Variants in DMXL2 observed in about 807,000 individuals in gnomAD.
DMXL2 encodes Dmx like 2, also known as dmX-like protein 2.
Under a neutral mutation model 331.1 loss-of-function variants are expected in DMXL2, and 103 were observed. The observed-to-expected ratio is 0.31, with a 90% CI of 0.27 to 0.37. The LOEUF is 0.37. Ranked by LOEUF, DMXL2 falls within the 10% of genes least tolerant of loss-of-function variation. DMXL2 has a pLI of 1.00. For missense variants in DMXL2, 3,171 were observed against 3,642.9 expected (o/e 0.87, Z 3.33); for synonymous variants, 1,281 against 1,252.1 (o/e 1.02, Z -0.49).
intron 31 of DMXL2, 127 bp downstream of exon 31, chr15:51,465,439 G>T: frequency 1.3e-6 from 1 of 741,590 alleles, no homozygotes; most frequent in South Asian, 1.6e-5. Flanking sequence ...AAATAAACAA[G>T]ACTTTATAAA....
intron 28 of DMXL2, among the ~76,000 whole-genome samples, chr15:51,472,271 T>C (rs1051595143): frequency 7.9e-5 from 12 of 152,178 alleles, no homozygotes; most frequent in Non-Finnish European, 1.0e-4. Context: ...AACAAATCCA[T>C]TGGCTCTAAC....
At chr15:51,507,330 C>A in intron 15 of DMXL2, 77 bp from the exon 16 acceptor site, 1 of 1,369,850 alleles carries the variant, frequency 7.3e-7, no homozygotes, top group Non-Finnish European at 9.9e-7. Flanking sequence ...AAAGCTACCA[C>A]CACCTCTTGA....
intron 15 of DMXL2, among the ~76,000 whole-genome samples, chr15:51,513,264 A>G (rs752193494): frequency 1.2e-4 from 19 of 152,222 alleles, no homozygotes; most frequent in Non-Finnish European, 2.2e-4. Flanking sequence ...GTAAGCTGGC[A>G]TATCTTTCCT....
intron 1 of DMXL2, among the ~76,000 whole-genome samples, chr15:51,594,246 C>G (rs1294173874): frequency 6.6e-6 from 1 of 152,086 alleles, no homozygotes; most frequent in East Asian, 1.9e-4. Context: ...ACCACTGATC[C>G]CACAGAAATA....
intron 1 of DMXL2, among the ~76,000 whole-genome samples, chr15:51,585,996 G>A (rs1200720363): frequency 1.3e-5 from 2 of 152,144 alleles, no homozygotes; most frequent in Non-Finnish European, 2.9e-5. Flanking sequence ...AGTAAGAAAA[G>A]CAGGGAAGGG....
At chr15:51,536,105 G>T in intron 12 of DMXL2, 61 bp downstream of exon 12, 2 of 1,355,540 alleles carry the variant, frequency 1.5e-6, no homozygotes, top group Non-Finnish European at 2.0e-6. Context: ...AAACCATTTC[G>T]TATATAACAA....
At chr15:51,508,538 G>A (rs1286967703) in intron 15 of DMXL2, among the ~76,000 whole-genome samples, 3 of 152,118 alleles carry the variant, frequency 2.0e-5, no homozygotes, top group African/African-American at 7.2e-5. Flanking sequence ...GCAACTGACT[G>A]AAATATCCTA....
At chr15:51,521,602 T>A (rs529184570) in intron 13 of DMXL2, among the ~76,000 whole-genome samples, 63 of 152,276 alleles carry the variant, frequency 4.1e-4, no homozygotes, top group African/African-American at 1.5e-3. Flanking sequence ...GCATCCATCC[T>A]ATATTTTATA....
At chr15:51,518,186 A>G (rs768566925) in intron 13 of DMXL2, among the ~76,000 whole-genome samples, 9 of 152,120 alleles carry the variant, frequency 5.9e-5, no homozygotes, top group Admixed American at 1.3e-4. Flanking sequence ...TATAAAAATT[A>G]GTGGGGAGTG....
chr15:51,568,284 T>C (rs2050427209), intron 3 of DMXL2: 2 of 457,594 alleles, frequency 4.4e-6, no homozygotes, highest in African/African-American at 2.1e-5. Flanking sequence ...CAATTTGCAA[T>C]ATTCTAGAGA....
At position 51,481,008 on chromosome 15, in the gene DMXL2, G is replaced by A. The variant is rs1365222801; in HGVS notation, c.6098C>T (p.Thr2033Ile). 1.3e-5 allele frequency: 21 copies of A among 1,614,152 alleles called. No homozygotes were observed. Among genetic ancestry groups the A allele is most frequent in the Non-Finnish European group, 1.8e-5 (21 of 1,180,020 alleles). ...TTGTTCAGCAATCACATCAACTTCA[G>A]TATCACCTTCAGGATCATCCTCTTC... ...PQEEDDPEGD[T>I]EVDVIAEQLK... The change falls in exon 24 of 44, where the codon ACT (threonine) becomes ATT (isoleucine). Residue 2033 changes from threonine (T) to isoleucine (I), a missense_variant. Transcript: ENST00000560891.
Position 51,481,107 on chromosome 15 carries a change from C to T in DMXL2, c.5999G>A (p.Ser2000Asn), listed in dbSNP as rs1397407897. Residue 2000 changes from serine to asparagine, a missense_variant, in exon 24 of 44, where the codon AGT becomes AAT. Around this residue, in one of 7 missense-constraint regions of DMXL2, gnomAD observed 244 missense variants for 251.4 expected, o/e 0.97. Coordinates refer to ENST00000560891, the MANE Select transcript of DMXL2 (RefSeq NM_001378457.1). ...EDDAVGLVMK[S>N]TDAREKDKQS... is the part of the protein sequence containing the mutation. The stretch of plus-strand genomic sequence containing the variant: ...TTTATCTTTTTCCCTGGCATCTGTA[C>T]TTTTCATCACTAAACCAACAGCATC... The T allele has an allele frequency of 1.9e-6, 3 of 1,612,564 alleles. No individual in the cohort carries two copies. The highest frequency in any genetic ancestry group is 2.5e-6 in the Non-Finnish European group (3 of 1,178,932).
At chr15:51,508,036 T>C (rs1033158701) in intron 15 of DMXL2, among the ~76,000 whole-genome samples, 1 of 152,170 alleles carries the variant, frequency 6.6e-6, no homozygotes, top group Non-Finnish European at 1.5e-5. Flanking sequence ...TAATGAGCGC[T>C]GCTAGAGTTA....
At position 51,499,580 on chromosome 15, in the gene DMXL2, G is replaced by A. The variant is rs770095829; in HGVS notation, c.3644C>T (p.Thr1215Ile). The part of the protein sequence containing the change: ...TNSKDGVAVI[T>I]LPLGGSIKQG... ...CTTGATACTACCACCTAGTGGTAAA[G>A]TGATGACAGCTACTCCATCCTTACT... Residue 1215 changes from threonine (T) to isoleucine (I), a missense_variant, in exon 18 of 44, where the codon ACT (threonine) becomes ATT (isoleucine). Thr to Ile is a moderately conservative substitution (Grantham distance 89, BLOSUM62 -1). Transcript: ENST00000560891. 1.9e-6 allele frequency: 3 copies of A among 1,614,102 alleles called. No homozygotes were observed. In the South Asian group the frequency reaches 3.3e-5, roughly 18 times the overall value.
At chr15:51,487,286 A>G (rs991889984) in intron 22 of DMXL2, among the ~76,000 whole-genome samples, 4 of 152,202 alleles carry the variant, frequency 2.6e-5, no homozygotes, top group African/African-American at 9.6e-5. Flanking sequence ...ATTTAAAAAA[A>G]CAGCTTAATG....
chr15:51,512,199 A>G (rs983779167), intron 15 of DMXL2, among the ~76,000 whole-genome samples: 1 of 152,214 alleles, frequency 6.6e-6, no homozygotes, highest in Non-Finnish European at 1.5e-5. Flanking sequence ...ATAAAAAATA[A>G]TAATAAAAAT....
At chr15:51,496,166 AT>A (rs930028208) in intron 18 of DMXL2, among the ~76,000 whole-genome samples, 8 of 152,136 alleles carry the variant, frequency 5.3e-5, no homozygotes, top group Non-Finnish European at 1.2e-4. Flanking sequence ...CATTCAACAA[AT>A]CAAGCATCTA....
intron 15 of DMXL2, 131 bp downstream of exon 15, chr15:51,514,311 T>C: frequency 1.7e-6 from 1 of 579,630 alleles, no homozygotes; most frequent in East Asian, 3.1e-5. Context: ...CAAGCAATTT[T>C]GACAGAACTA....
rs959924909 is a variant in DMXL2, at chr15:51,448,745, G to A, written c.*239C>T. 13 of 501,120 alleles carry A rather than the reference G, an allele frequency of 2.6e-5. No individual in the cohort carries two copies. In the Admixed American group the frequency reaches 4.0e-4, roughly 15 times the overall value. The allele number at this position is 501,120 out of a possible 1,614,324, so 31.0% of individuals were successfully genotyped here. A position where few individuals can be genotyped will look rare whatever the true frequency, so the allele number is the denominator to read the frequency against. ...TTCTGAATCAGGTTTGCTAAATGCT[G>A]TAAAGAATAGCTATCCTTCATACAA... On this transcript the variant is annotated 3_prime_UTR_variant, in exon 44 of 44. Transcript: ENST00000560891.
Sources: allele counts gnomAD v4.1 joint callset (sites outside exome capture counted in the v4.1 genomes callset), GRCh38; gene constraint gnomAD v4.1.1; regional missense constraint gnomAD v4.1.1; transcripts MANE v1.5; gene names NCBI Gene and HGNC (gene_info 2026-07-23, HGNC 2026-07-21).